Variants in GRIN2B observed in about 807,000 individuals in gnomAD.
The protein encoded by GRIN2B is glutamate ionotropic receptor NMDA type subunit 2B.
Under a neutral mutation model 114.5 loss-of-function variants are expected in GRIN2B, and 5 were observed. The observed-to-expected ratio is 0.04, with a 90% confidence interval of 0.02 to 0.09. GRIN2B has a LOEUF of 0.09. Ranked by LOEUF, GRIN2B falls within the 10% of genes least tolerant of loss-of-function variation. GRIN2B has a pLI of 1.00. For missense variants in GRIN2B, 1,108 were observed against 1,943.5 expected, an observed-to-expected ratio of 0.57 and a Z score of 8.08; for synonymous variants, 787 against 745.1, an observed-to-expected ratio of 1.06 and a Z score of -0.92.
At chr12:13,800,451 C>T (rs117584437) in intron 3 of GRIN2B, among the ~76,000 whole-genome samples, 1 of 152,150 alleles carries the variant, frequency 6.6e-6, no homozygotes, top group African/African-American at 2.4e-5. Context: ...ATTTTTATCA[C>T]TCTTTGCTAA....
At chr12:13,877,674 T>G (rs554989516) in intron 2 of GRIN2B, among the ~76,000 whole-genome samples, 1 of 152,252 alleles carries the variant, frequency 6.6e-6, no homozygotes, top group East Asian at 1.9e-4. Context: ...TGTGGCTCTA[T>G]TTCCTGATCT....
At chr12:13,841,454 C>T (rs1865377901) in intron 3 of GRIN2B, among the ~76,000 whole-genome samples, 1 of 152,186 alleles carries the variant, frequency 6.6e-6, no homozygotes, top group African/African-American at 2.4e-5. Flanking sequence ...CCCCCGCAAT[C>T]CCGGAACCTC....
At chr12:13,665,451 C>T (rs1275530377) in intron 5 of GRIN2B, among the ~76,000 whole-genome samples, 1 of 152,082 alleles carries the variant, frequency 6.6e-6, no homozygotes, top group Non-Finnish European at 1.5e-5. Context: ...GACTTGTCCT[C>T]TTGTCTATGA....
chr12:13,717,030 T>C (rs963860040), intron 4 of GRIN2B, among the ~76,000 whole-genome samples: 1 of 151,268 alleles, frequency 6.6e-6, no homozygotes, highest in African/African-American at 2.4e-5. Context: ...GCATTTCCTA[T>C]GTAATAAATA....
At chr12:13,808,752 A>AATATATATATATATATATATATAT (rs10548365) in intron 3 of GRIN2B, among the ~76,000 whole-genome samples, 6 of 109,872 alleles carry the variant, frequency 5.5e-5, no homozygotes, top group Non-Finnish European at 8.0e-5. Context: ...ATAAAAAAAA[A>AATATATATATATATATATATATAT]ATATATATAT....
In GRIN2B at chr12:13,547,222, G is replaced by A. The variant is rs1303638324; in HGVS notation, c.*15561C>T. On this transcript the variant is annotated 3_prime_UTR_variant, in exon 14 of 14. Transcript: ENST00000609686. ...TGCCAGGAGGCTGGGAGGTGAGGAA[G>A]GGTTTCCAAGTAAGGAGCTTGGAAG... The A allele has an allele frequency of 6.6e-6, 1 of 152,182 alleles. No individual in the cohort carries two copies. Among genetic ancestry groups the A allele is most frequent in the East Asian group, 1.9e-4 (1 of 5,190 alleles). 9.4% of individuals were successfully genotyped at this position (152,182 alleles called of 1,614,324 possible). A position where few individuals can be genotyped will look rare whatever the true frequency, so the allele number is the denominator to read the frequency against.
chr12:13,796,242 A>G (rs914040843), intron 3 of GRIN2B, among the ~76,000 whole-genome samples: 19 of 152,184 alleles, frequency 1.2e-4, no homozygotes, highest in Non-Finnish European at 2.8e-4. Context: ...TAATGTTGTA[A>G]AATATGGCCT....
chr12:13,831,985 T>C (rs1020912167), intron 3 of GRIN2B, among the ~76,000 whole-genome samples: 57 of 152,220 alleles, frequency 3.7e-4, no homozygotes, highest in Admixed American at 3.1e-3. Flanking sequence ...GATGGGCTTT[T>C]CTTTCTTCCC....
chr12:13,977,577 G>T (rs7963561), intron 2 of GRIN2B, among the ~76,000 whole-genome samples: 3 of 152,008 alleles, frequency 2.0e-5, no homozygotes, highest in East Asian at 3.9e-4. Flanking sequence ...CCCACCAGCC[G>T]CCACCTTTCT....
At chr12:13,771,626 C>T (rs1338868788) in intron 3 of GRIN2B, among the ~76,000 whole-genome samples, 2 of 152,198 alleles carry the variant, frequency 1.3e-5, no homozygotes, top group Non-Finnish European at 2.9e-5. Flanking sequence ...GCTCATAGAA[C>T]TGTAAAGAGG....
intron 3 of GRIN2B, among the ~76,000 whole-genome samples, chr12:13,783,920 A>T (rs1176453085): frequency 1.3e-5 from 2 of 151,970 alleles, no homozygotes; most frequent in Non-Finnish European, 2.9e-5. Flanking sequence ...TTGAATGTAT[A>T]CCTAATAAAA....
At chr12:13,783,600 G>T (rs1864162463) in intron 3 of GRIN2B, among the ~76,000 whole-genome samples, 1 of 152,064 alleles carries the variant, frequency 6.6e-6, no homozygotes, top group South Asian at 2.1e-4. Context: ...TAAGAATCTG[G>T]GGCACATGGA....
At chr12:13,750,876 G>A (rs1291349021) in intron 4 of GRIN2B, among the ~76,000 whole-genome samples, 1 of 152,174 alleles carries the variant, frequency 6.6e-6, no homozygotes, top group Admixed American at 6.5e-5. Flanking sequence ...AATACAGCAT[G>A]CAATTGCCAC....
chr12:13,732,951 T>G (rs1035333712), intron 4 of GRIN2B, among the ~76,000 whole-genome samples: 3 of 152,060 alleles, frequency 2.0e-5, no homozygotes, highest in Admixed American at 6.5e-5. Flanking sequence ...CAATGGTGAG[T>G]GAAACAGACA....
intron 4 of GRIN2B, among the ~76,000 whole-genome samples, chr12:13,748,918 A>C (rs1863433956): frequency 6.6e-6 from 1 of 152,256 alleles, no homozygotes; most frequent in African/African-American, 2.4e-5. Flanking sequence ...TGTGCTAACG[A>C]AATTATTCAT....
Position 13,616,461 on chromosome 12 carries a change from A to G in GRIN2B, c.1322T>C (p.Val441Ala), listed in dbSNP as rs1290490379. The stretch of plus-strand genomic sequence containing the variant: ...CATTGAGAGGATGCCATACTCAGTG[A>G]CTATGCGTTTTTGGCAGGGGACTGT... ...RNTVPCQKRI[V>A]TENKTDEEPG... The change falls in exon 6 of 14, where the codon GTC becomes GCC. Residue 441 changes from valine (V) to alanine (A), a missense_variant. Transcript: ENST00000609686. 1 of 1,612,382 alleles carries G rather than the reference A, an allele frequency of 6.2e-7. No homozygotes were observed. The highest frequency in any genetic ancestry group is 1.7e-5 in the Admixed American group (1 of 60,014).
chr12:13,914,738 A>G (rs1866683409), intron 2 of GRIN2B, among the ~76,000 whole-genome samples: 1 of 152,240 alleles, frequency 6.6e-6, no homozygotes. Flanking sequence ...ATACTATTCA[A>G]TCATAAAAAA....
chr12:13,780,768 T>C (rs2136654846), intron 3 of GRIN2B, among the ~76,000 whole-genome samples: 1 of 150,234 alleles, frequency 6.7e-6, no homozygotes, highest in South Asian at 2.1e-4. Context: ...AGTATGACAT[T>C]ACTTGTGGAG....
chr12:13,795,622 C>T (rs1174968704), intron 3 of GRIN2B, among the ~76,000 whole-genome samples: 1 of 152,220 alleles, frequency 6.6e-6, no homozygotes, highest in African/African-American at 2.4e-5. Context: ...TACATAAAGA[C>T]ACGTGCATAT....
Sources: gnomAD v4.1 joint callset for allele counts (sites outside exome capture counted in the v4.1 genomes callset) on GRCh38, gnomAD v4.1.1 for gene constraint, MANE v1.5 for transcripts, NCBI Gene and HGNC (gene_info 2026-07-23, HGNC 2026-07-21) for gene names.